COG4: variants seen among roughly 807,000 people sequenced by gnomAD.
COG4 encodes conserved oligomeric Golgi complex subunit 4.
Under a neutral mutation model 95.1 loss-of-function variants are expected in COG4, and 65 were observed. The observed-to-expected ratio is 0.68, with a 90% CI of 0.56 to 0.84. COG4 has a LOEUF of 0.84. Ranked by LOEUF, COG4 falls within the 40% of genes least tolerant of loss-of-function variation. The pLI is 0.00. For missense variants in COG4, 1,045 were observed against 989.1 expected (o/e 1.06, Z -0.76); for synonymous variants, 421 against 374.8 (o/e 1.12, Z -1.42).
rs1441077390 is a variant in COG4, at chr16:70,512,515, C to G, written c.545-83G>C. ...TGCCACTTTGTGTAATACTATTCAT[C>G]CAGCAAATACGTATTAAGCACTTAC... On this transcript the variant is annotated intron_variant, in intron 4 of 18. Coordinates refer to ENST00000323786, the MANE Select transcript of COG4 (RefSeq NM_015386.3). 9 of 1,126,272 alleles carry G rather than the reference C, an allele frequency of 8.0e-6. No individual in the cohort carries two copies. The Admixed American group carries it at 1.4e-4, about 17-fold the overall frequency. The allele number at this position is 1,126,272 out of a possible 1,614,324, so 69.8% of individuals were successfully genotyped here.
intron 13 of COG4, among the ~76,000 whole-genome samples, chr16:70,486,045 A>G (rs1233813294): frequency 6.6e-6 from 1 of 151,202 alleles, no homozygotes; most frequent in Non-Finnish European, 1.5e-5. Flanking sequence ...ACAGGCGCCC[A>G]CCACCACGCT....
At chr16:70,497,784 T>C (rs1457824080) in intron 10 of COG4, among the ~76,000 whole-genome samples, 153 bp downstream of exon 10, 1 of 152,192 alleles carries the variant, frequency 6.6e-6, no homozygotes, top group East Asian at 1.9e-4. Flanking sequence ...ACTCCAAAGA[T>C]GCTCTCTAAA....
intron 13 of COG4, among the ~76,000 whole-genome samples, chr16:70,489,258 GC>G (rs2049195963): frequency 6.9e-6 from 1 of 145,848 alleles, no homozygotes; most frequent in Non-Finnish European, 1.5e-5. Flanking sequence ...TCCCTCTGTC[GC>G]CCAGGCTGGA....
chr16:70,489,476 C>T (rs905532665), intron 13 of COG4, among the ~76,000 whole-genome samples: 1 of 151,458 alleles, frequency 6.6e-6, no homozygotes, highest in Non-Finnish European at 1.5e-5. Context: ...CTCAGCCTCC[C>T]AAAGTGTTAG....
intron 3 of COG4, among the ~76,000 whole-genome samples, chr16:70,516,751 T>C (rs1467597079): frequency 6.6e-6 from 1 of 151,888 alleles, no homozygotes; most frequent in Admixed American, 6.6e-5. Context: ...TAGAAGCTGG[T>C]ATTTATTAAC....
chr16:70,488,279 G>A (rs918513222), intron 13 of COG4, among the ~76,000 whole-genome samples: 7 of 149,760 alleles, frequency 4.7e-5, no homozygotes, highest in East Asian at 4.0e-4. Flanking sequence ...TATTACAGGC[G>A]CCCGCCACCA....
intron 10 of COG4, among the ~76,000 whole-genome samples, 167 bp downstream of exon 10, chr16:70,497,770 A>G (rs1163013597): frequency 6.6e-6 from 1 of 151,550 alleles, no homozygotes; most frequent in Non-Finnish European, 1.5e-5. Flanking sequence ...CAAAGAACAC[A>G]ACGACTCCAA....
chr16:70,503,162 C>T (rs1196332027), intron 8 of COG4, among the ~76,000 whole-genome samples: 2 of 152,144 alleles, frequency 1.3e-5, no homozygotes, highest in Non-Finnish European at 2.9e-5. Context: ...GGCAATCCTC[C>T]CACCTCAGCC....
intron 8 of COG4, among the ~76,000 whole-genome samples, chr16:70,507,288 C>T (rs1020498369): frequency 1.3e-5 from 2 of 151,884 alleles, no homozygotes; most frequent in Non-Finnish European, 2.9e-5. Context: ...AAAACTGTAT[C>T]GGTATACACA....
chr16:70,489,703 A>G (rs971539252), intron 13 of COG4, among the ~76,000 whole-genome samples: 3 of 152,000 alleles, frequency 2.0e-5, no homozygotes, highest in Non-Finnish European at 1.5e-5. Context: ...GCTACCCAAG[A>G]AACACAAGCT....
chr16:70,519,664 G>A lies in COG4; in HGVS notation c.239C>T (p.Thr80Ile), dbSNP rs146786310. The change falls in exon 2 of 19, where the codon ACT (threonine) becomes ATT (isoleucine). Residue 80 changes from threonine to isoleucine, a missense_variant. By Grantham distance (89) the Thr-to-Ile change is moderately conservative. Coordinates refer to ENST00000323786, the MANE Select transcript of COG4 (RefSeq NM_015386.3). The part of the protein sequence containing the change: ...QQNTIESKMV[T>I]LHRMGPNLQL... ...ACAGACTCACCCCATTCGGTGGAGA[G>A]TGACCATCTTACTTTCAATGGTGTT... is the stretch of plus-strand genomic sequence containing the variant. 2 of 1,612,810 alleles carry A rather than the reference G, an allele frequency of 1.2e-6. No homozygotes were observed. The highest frequency in any genetic ancestry group is 2.7e-5 in the African/African-American group (2 of 74,910).
intron 7 of COG4, chr16:70,508,721 T>C (rs2049632660): frequency 4.7e-6 from 3 of 633,548 alleles, no homozygotes; most frequent in Admixed American, 2.2e-5. Flanking sequence ...CTACTGTTTA[T>C]AGTCTCCTAG....
At chr16:70,487,573 C>T (rs1037034954) in intron 13 of COG4, among the ~76,000 whole-genome samples, 5 of 152,156 alleles carry the variant, frequency 3.3e-5, no homozygotes, top group Non-Finnish European at 5.9e-5. Flanking sequence ...CAGAGCGAGA[C>T]TCCGTCTCAA....
chr16:70,499,731 C>G (rs2049409392), intron 9 of COG4, among the ~76,000 whole-genome samples: 1 of 152,172 alleles, frequency 6.6e-6, no homozygotes, highest in South Asian at 2.1e-4. Flanking sequence ...GCGATCTTGG[C>G]TCACTGCAAG....
rs1442789705 is a variant in COG4 at position 70,519,715 on chromosome 16, T to G, written c.188A>C (p.Glu63Ala). 6.2e-7 allele frequency: 1 copy of G among 1,613,482 alleles called. No individual in the cohort carries two copies. Among genetic ancestry groups the G allele is most frequent in the East Asian group, 2.2e-5 (1 of 44,886 alleles). Residue 63 changes from glutamate (E) to alanine (A), a missense_variant, in exon 2 of 19, where the codon GAG becomes GCG. Coordinates refer to ENST00000323786, the MANE Select transcript of COG4 (RefSeq NM_015386.3). The part of the protein sequence containing the change: ...LCGEEKVVER[E>A]LDALLEQQNT... ...TTGCTGTTCCAAAAGAGCATCCAGC[T>G]CTCTCTCCACCACTTTCTGAAACAC...
chr16:70,504,181 G>A (rs2049510886), intron 8 of COG4, among the ~76,000 whole-genome samples: 1 of 152,072 alleles, frequency 6.6e-6, no homozygotes, highest in African/African-American at 2.4e-5. Flanking sequence ...TTCTACTGAG[G>A]GCGATTTTAT....
chr16:70,482,336 G>A, intron 15 of COG4, 161 bp from the exon 16 acceptor site: 1 of 697,814 alleles, frequency 1.4e-6, no homozygotes. Context: ...CAGGCTGGCA[G>A]AAACTGACCA....
chr16:70,522,651 G>C (rs929441603), intron 1 of COG4, among the ~76,000 whole-genome samples: 1 of 152,186 alleles, frequency 6.6e-6, no homozygotes, highest in South Asian at 2.1e-4. Flanking sequence ...TTAGAGCTTA[G>C]ATCTCTTTTG....
intron 14 of COG4, among the ~76,000 whole-genome samples, 183 bp downstream of exon 14, chr16:70,483,670 C>T (rs1454048643): frequency 6.6e-6 from 1 of 152,176 alleles, no homozygotes; most frequent in Non-Finnish European, 1.5e-5. Context: ...GTGACAACTT[C>T]ACTGCTGAGA....
Sources: gnomAD v4.1 joint callset for allele counts (sites outside exome capture counted in the v4.1 genomes callset) on GRCh38, gnomAD v4.1.1 for gene constraint, MANE v1.5 for transcripts, NCBI Gene and HGNC (gene_info 2026-07-23, HGNC 2026-07-21) for gene names.